CEP63: variants seen among roughly 807,000 people sequenced by gnomAD.
The protein encoded by CEP63 is centrosomal protein 63.
In CEP63, 84 loss-of-function variants were observed where a neutral mutation model predicts 89.1. The ratio of observed to expected loss-of-function variants is 0.94; its 90% CI spans 0.79 to 1.13. The LOEUF is 1.13. Ranked by LOEUF, CEP63 falls within the 50% of genes most tolerant of loss-of-function variation. CEP63 has a pLI of 0.00. For synonymous variants in CEP63, 267 were observed against 272.5 expected (o/e 0.98, Z 0.20); for missense variants, 838 against 813.3 (o/e 1.03, Z -0.37).
At chr3:134,664,216 C>T in the CEP63 span, among the ~76,000 whole-genome samples, 1 of 152,186 alleles carries the variant, frequency 6.6e-6, no homozygotes, top group Admixed American at 6.5e-5. Context: ...AAAAGGCCGT[C>T]TAGGAACCAG....
chr3:134,665,019 A>C, the CEP63 span, among the ~76,000 whole-genome samples: 1 of 152,174 alleles, frequency 6.6e-6, no homozygotes, highest in East Asian at 1.9e-4. Flanking sequence ...AGACACTCGC[A>C]TGCTCTGTAG....
At chr3:134,548,610 A>G (rs1954123796) in intron 9 of CEP63, among the ~76,000 whole-genome samples, 1 of 152,250 alleles carries the variant, frequency 6.6e-6, no homozygotes, top group Non-Finnish European at 1.5e-5. Flanking sequence ...TAGGCAAACA[A>G]CAAGAGAAAT....
chr3:134,490,751 T>C (rs965289865), intron 1 of CEP63, among the ~76,000 whole-genome samples: 3 of 152,194 alleles, frequency 2.0e-5, no homozygotes, highest in African/African-American at 7.2e-5. Context: ...GTTTTGAGTC[T>C]ATCCTTCCAT....
chr3:134,748,383 A>G, the CEP63 span, among the ~76,000 whole-genome samples: 1 of 152,106 alleles, frequency 6.6e-6, no homozygotes, highest in African/African-American at 2.4e-5. Context: ...AGATTTTCTT[A>G]AGAACTCATT....
At chr3:134,550,462 A>G (rs1025075871) in intron 11 of CEP63, among the ~76,000 whole-genome samples, 7 of 152,196 alleles carry the variant, frequency 4.6e-5, no homozygotes, top group African/African-American at 7.2e-5. Context: ...TGACTGTATC[A>G]GTGGTGTATG....
chr3:134,533,789 T>C (rs1000202647), intron 5 of CEP63, among the ~76,000 whole-genome samples: 1 of 152,218 alleles, frequency 6.6e-6, no homozygotes, highest in Non-Finnish European at 1.5e-5. Flanking sequence ...CTTTGTGTGA[T>C]CACTTACAAG....
the CEP63 span, among the ~76,000 whole-genome samples, chr3:134,771,132 A>G: frequency 6.6e-6 from 1 of 152,198 alleles, no homozygotes; most frequent in South Asian, 2.1e-4. Context: ...TTCTCAGTGC[A>G]GGGCAACTCA....
At chr3:134,685,782 A>G in the CEP63 span, among the ~76,000 whole-genome samples, 1 of 152,210 alleles carries the variant, frequency 6.6e-6, no homozygotes, top group Non-Finnish European at 1.5e-5. Context: ...CTGGGAACAC[A>G]ACCCAAGGTG....
At chr3:134,494,639 G>T (rs1177446035) in intron 1 of CEP63, among the ~76,000 whole-genome samples, 1 of 152,106 alleles carries the variant, frequency 6.6e-6, no homozygotes, top group Non-Finnish European at 1.5e-5. Flanking sequence ...TGCCCTGGAG[G>T]GATGAATAGT....
At chr3:134,613,625 A>T in the CEP63 span, among the ~76,000 whole-genome samples, 1 of 152,218 alleles carries the variant, frequency 6.6e-6, no homozygotes, top group African/African-American at 2.4e-5. Flanking sequence ...AGAAGCTGGG[A>T]AGGCTGTGGG....
At chr3:134,556,102 A>G (rs1392224584) in intron 12 of CEP63, among the ~76,000 whole-genome samples, 2 of 149,220 alleles carry the variant, frequency 1.3e-5, no homozygotes, top group Non-Finnish European at 3.0e-5. Flanking sequence ...TCCCTTCCTT[A>G]CACCTTATAC....
the CEP63 span, among the ~76,000 whole-genome samples, chr3:134,653,613 C>A: frequency 2.6e-5 from 4 of 152,138 alleles, no homozygotes; most frequent in African/African-American, 9.7e-5. Flanking sequence ...GAGGGAGACA[C>A]CATGGGGAAG....
At chr3:134,661,281 A>G in the CEP63 span, among the ~76,000 whole-genome samples, 1 of 152,106 alleles carries the variant, frequency 6.6e-6, no homozygotes, top group African/African-American at 2.4e-5. Flanking sequence ...TATTCCTTCC[A>G]TTGAAACCTA....
chr3:134,548,487 T>G (rs1302869342), intron 9 of CEP63, among the ~76,000 whole-genome samples: 1 of 152,230 alleles, frequency 6.6e-6, no homozygotes, highest in Non-Finnish European at 1.5e-5. Flanking sequence ...CTCAACTTTT[T>G]GATTGGGAAG....
the CEP63 span, among the ~76,000 whole-genome samples, chr3:134,708,174 T>C: frequency 6.6e-6 from 1 of 152,220 alleles, no homozygotes; most frequent in Non-Finnish European, 1.5e-5. Flanking sequence ...GCCACAGTCC[T>C]TCTCAAATGA....
At chr3:134,665,059 A>G in the CEP63 span, among the ~76,000 whole-genome samples, 1 of 152,190 alleles carries the variant, frequency 6.6e-6, no homozygotes, top group Non-Finnish European at 1.5e-5. Flanking sequence ...CCCTCAGGTC[A>G]GGTGCACAAG....
At chr3:134,633,931 C>G in the CEP63 span, among the ~76,000 whole-genome samples, 2 of 152,176 alleles carry the variant, frequency 1.3e-5, no homozygotes, top group Non-Finnish European at 2.9e-5. Context: ...GGTTAACATA[C>G]AAACATCGAT....
intron 2 of CEP63, among the ~76,000 whole-genome samples, chr3:134,502,860 T>G (rs1166219534): frequency 1.3e-5 from 2 of 152,150 alleles, no homozygotes; most frequent in African/African-American, 4.8e-5. Flanking sequence ...TCTAGTTCCT[T>G]TAGGTGTGAC....
rs1163710577 is a variant in CEP63, at chr3:134,486,186, C to A, written c.-42C>A. The A allele has an allele frequency of 3.0e-6, 3 of 985,576 alleles. No individual in the cohort carries two copies. The highest frequency in any genetic ancestry group is 4.7e-5 in the South Asian group (1 of 21,292). The allele number at this position is 985,576 out of a possible 1,614,324, so 61.1% of individuals were successfully genotyped here. A position where few individuals can be genotyped will look rare whatever the true frequency, so the allele number is the denominator to read the frequency against. On this transcript the variant is annotated 5_prime_UTR_variant, in exon 1 of 15. Transcript: ENST00000675561. ...CGTAAGCTTAGCGGTGGCGCGCGTGCGCAGCGCCGGCCCGAGGTAACGGCG... is the reference window on the plus strand; with the variant it reads ...CGTAAGCTTAGCGGTGGCGCGCGTGAGCAGCGCCGGCCCGAGGTAACGGCG...
Sources: gnomAD v4.1 joint callset for allele counts (sites outside exome capture counted in the v4.1 genomes callset) on GRCh38, gnomAD v4.1.1 for gene constraint, MANE v1.5 for transcripts, NCBI Gene and HGNC (gene_info 2026-07-23, HGNC 2026-07-21) for gene names.